Variants in ARMC3 observed in about 807,000 individuals in gnomAD.
ARMC3 encodes the protein armadillo repeat containing 3.
ARMC3 carries 74 observed loss-of-function variants against 90.3 expected under a neutral mutation model. The observed-to-expected ratio is 0.82, with a 90% CI of 0.68 to 0.99. The LOEUF (loss-of-function observed/expected upper bound fraction) is 0.99. Among genes scored for constraint, ARMC3 ranks in the 50% least tolerant of loss-of-function variants. The pLI, the probability that ARMC3 is intolerant of heterozygous loss-of-function variation, is 0.00. For synonymous variants in ARMC3, 334 were observed against 361.8 expected, an observed-to-expected ratio of 0.92 and a Z score of 0.87; for missense variants, 958 against 1,042.8, an observed-to-expected ratio of 0.92 and a Z score of 1.12.
intron 11 of ARMC3, among the ~76,000 whole-genome samples, chr10:22,999,925 T>C (rs1261405288): frequency 6.6e-6 from 1 of 152,186 alleles, no homozygotes; most frequent in Non-Finnish European, 1.5e-5. Flanking sequence ...CTCTGCTGGG[T>C]ATCAGGAGCA....
rs1838973879 is a variant in ARMC3 at position 23,032,951 on chromosome 10, A to G, written c.2337A>G (p.Gln779=). The G allele has an allele frequency of 1.9e-6, 3 of 1,613,240 alleles. No individual in the cohort carries two copies. Among genetic ancestry groups the G allele is most frequent in the East Asian group, 2.2e-5 (1 of 44,752 alleles). The change falls in exon 18 of 19, where the codon CAA becomes CAG. Residue 779 remains glutamine, a synonymous_variant. Transcript: ENST00000298032. ...TTCACATAAGTGAACTGAAATTTCA[A>G]CTTAAATCCAATGTTATACCGATTG... is the stretch of plus-strand genomic sequence containing the variant. The part of the protein sequence containing the change: ...WELHISELKF[Q]LKSNVIPIGH...
chr10:22,933,080 C>G (rs1432315027), intron 2 of ARMC3, among the ~76,000 whole-genome samples: 1 of 152,192 alleles, frequency 6.6e-6, no homozygotes, highest in Non-Finnish European at 1.5e-5. Context: ...CAAACACACA[C>G]TTGCACCCCT....
At chr10:23,012,442 A>G (rs79526663) in intron 16 of ARMC3, among the ~76,000 whole-genome samples, 3,452 of 152,084 alleles carry the variant, frequency 0.023, 129 homozygotes, top group African/African-American at 0.079. Context: ...TCCCACTCCA[A>G]AGCTGAGACC....
In ARMC3 at chr10:22,959,157, T is replaced by C; in HGVS notation, c.361+19T>C. Reference sequence around the variant, plus strand: ...CCAGAAGGTAACTTTGCATTCTATATCTGTTTTAAAAAATGGAACTGGTTT... The same window carrying C: ...CCAGAAGGTAACTTTGCATTCTATACCTGTTTTAAAAAATGGAACTGGTTT... On this transcript the variant is annotated intron_variant, in intron 5 of 18. Coordinates refer to ENST00000298032, the MANE Select transcript of ARMC3 (RefSeq NM_173081.5). The C allele has an allele frequency of 1.3e-6, 2 of 1,599,526 alleles. No individual in the cohort carries two copies. Among genetic ancestry groups the C allele is most frequent in the South Asian group, 1.1e-5 (1 of 90,694 alleles).
chr10:23,000,028 TC>T (rs1837210009), intron 11 of ARMC3, among the ~76,000 whole-genome samples: 1 of 152,026 alleles, frequency 6.6e-6, no homozygotes, highest in African/African-American at 2.4e-5. Context: ...TTTACTTTTT[TC>T]CCTCCCCTCC....
intron 6 of ARMC3, 46 bp from the exon 7 acceptor site, chr10:22,961,838 T>A: frequency 7.0e-7 from 1 of 1,429,952 alleles, no homozygotes; most frequent in African/African-American, 1.5e-5. Context: ...TTCTTGAGGA[T>A]GTATTTTGCT....
At position 22,961,887 on chromosome 10, in the gene ARMC3, T is replaced by G; in HGVS notation, c.541T>G (p.Phe181Val). 1 of 1,599,990 alleles carries G rather than the reference T, an allele frequency of 6.3e-7. No individual in the cohort carries two copies. Among genetic ancestry groups the G allele is most frequent in the African/African-American group, 1.3e-5 (1 of 74,300 alleles). ...MECIYNLVQDFQCRAKLQELN... is the reference protein window; with the variant it reads ...MECIYNLVQDVQCRAKLQELN... ...GATCATCTGTATTTTGTGGCAGGAT[T>G]TTCAGTGTCGAGCTAAACTTCAAGA... is the stretch of plus-strand genomic sequence containing the variant. The change falls in exon 7 of 19, where the codon TTT becomes GTT. Residue 181 changes from phenylalanine (F) to valine (V), a missense_variant. Transcript: ENST00000298032.
intron 16 of ARMC3, among the ~76,000 whole-genome samples, chr10:23,024,516 T>C (rs1002723591): frequency 1.3e-5 from 2 of 152,212 alleles, no homozygotes; most frequent in Non-Finnish European, 2.9e-5. Context: ...TATAACATCT[T>C]ATACTCAAGA....
chr10:23,015,637 A>T (rs1838239573), intron 16 of ARMC3, among the ~76,000 whole-genome samples: 1 of 152,182 alleles, frequency 6.6e-6, no homozygotes, highest in African/African-American at 2.4e-5. Flanking sequence ...ATTTACAGCA[A>T]ATGCTTTATT....
chr10:23,037,124 T>G, intron 18 of ARMC3, 146 bp from the exon 19 acceptor site: 1 of 670,546 alleles, frequency 1.5e-6, no homozygotes, highest in Non-Finnish European at 2.4e-6. Flanking sequence ...CCTATACCAA[T>G]AGTCCACATC....
intron 3 of ARMC3, among the ~76,000 whole-genome samples, chr10:22,951,870 C>A (rs1044978056): frequency 6.6e-6 from 1 of 152,124 alleles, no homozygotes; most frequent in Non-Finnish European, 1.5e-5. Context: ...GTGGCTCACA[C>A]CTGTAATCTC....
intron 16 of ARMC3, among the ~76,000 whole-genome samples, chr10:23,015,485 G>A (rs1354792547): frequency 1.3e-5 from 2 of 152,114 alleles, no homozygotes; most frequent in Non-Finnish European, 2.9e-5. Flanking sequence ...TGTCTACACT[G>A]TTCTTTTGTA....
chr10:23,028,100 A>G (rs566838570), intron 16 of ARMC3, among the ~76,000 whole-genome samples: 1 of 152,312 alleles, frequency 6.6e-6, no homozygotes, highest in East Asian at 1.9e-4. Context: ...AAGTGGTGGC[A>G]GCCAGTGCAC....
At chr10:22,992,923 C>G (rs1016504764) in intron 10 of ARMC3, among the ~76,000 whole-genome samples, 3 of 152,192 alleles carry the variant, frequency 2.0e-5, no homozygotes, top group Non-Finnish European at 2.9e-5. Flanking sequence ...GTTGCTGCTG[C>G]GTACACACCG....
intron 18 of ARMC3, among the ~76,000 whole-genome samples, chr10:23,034,382 A>G (rs1839043265): frequency 6.6e-6 from 1 of 152,234 alleles, no homozygotes; most frequent in Non-Finnish European, 1.5e-5. Flanking sequence ...TATGCCAGGG[A>G]CTTGATAACT....
intron 10 of ARMC3, among the ~76,000 whole-genome samples, chr10:22,986,116 C>A (rs542760254): frequency 1.2e-4 from 17 of 147,816 alleles, no homozygotes; most frequent in Middle Eastern, 3.4e-3. Context: ...GCACGCCCCC[C>A]CCCCGCGCCA....
At chr10:22,993,933 T>C (rs77645372) in intron 10 of ARMC3, among the ~76,000 whole-genome samples, 1,710 of 152,378 alleles carry the variant, frequency 0.011, 21 homozygotes, top group Non-Finnish European at 0.018. Flanking sequence ...GCATCCTTTC[T>C]GTAAGTGCTC....
Position 22,934,606 on chromosome 10 carries a change from T to C in ARMC3, c.48+2562T>C, listed in dbSNP as rs553495796. Among the ~76,000 whole-genome samples the C allele has an allele frequency of 3.9e-5, 6 of 152,322 alleles. No individual in the cohort carries two copies. The East Asian group carries it at 9.7e-4, about 25-fold the overall frequency. On this transcript the variant is annotated intron_variant, in intron 2 of 18. Transcript: ENST00000298032. ...TAAGAGTACCGGTTCTGGGGCTATC[T>C]TGCCTGAGTTTGGGTCCTTACTCCA...
intron 17 of ARMC3, among the ~76,000 whole-genome samples, chr10:23,032,151 C>A (rs1300703297): frequency 6.6e-6 from 1 of 152,118 alleles, no homozygotes; most frequent in Non-Finnish European, 1.5e-5. Context: ...AGGTAGTGGT[C>A]TTCAGAGACA....
Sources: allele counts gnomAD v4.1 joint callset (sites outside exome capture counted in the v4.1 genomes callset), GRCh38; gene constraint gnomAD v4.1.1; transcripts MANE v1.5; gene names NCBI Gene and HGNC (gene_info 2026-07-23, HGNC 2026-07-21).